The following GABRB2 variants were observed in gnomAD, a reference collection of about 807,000 sequenced individuals.
GABRB2 encodes gamma-aminobutyric acid receptor subunit beta-2.
Under a neutral mutation model 54.7 loss-of-function variants are expected in GABRB2, and 16 were observed. The observed-to-expected ratio is 0.29, with a 90% confidence interval of 0.20 to 0.44. GABRB2 has a LOEUF of 0.44. GABRB2 is among the 20% of genes least tolerant of loss of function. The pLI is 1.00. For synonymous variants in GABRB2, 244 were observed against 233.8 expected (o/e 1.04, Z -0.40); for missense variants, 355 against 644.0 (o/e 0.55, Z 4.86).
chr5:161,415,505 A>G (rs1434488561), intron 4 of GABRB2, among the ~76,000 whole-genome samples: 1 of 152,236 alleles, frequency 6.6e-6, no homozygotes, highest in Non-Finnish European at 1.5e-5. Context: ...AAATGCAACA[A>G]GTAAGCCAGG....
chr5:161,410,255 A>G (rs1756467368), intron 5 of GABRB2, among the ~76,000 whole-genome samples: 1 of 152,128 alleles, frequency 6.6e-6, no homozygotes, highest in Non-Finnish European at 1.5e-5. Context: ...GACCTCCAAA[A>G]TGGAGATGCG....
chr5:161,319,266 G>A (rs1758137735), intron 9 of GABRB2, among the ~76,000 whole-genome samples: 3 of 150,542 alleles, frequency 2.0e-5, no homozygotes, highest in Admixed American at 2.0e-4. Flanking sequence ...TAAACACAGA[G>A]ACCCAGGCAA....
At chr5:161,382,008 C>A (rs1378728685) in intron 5 of GABRB2, among the ~76,000 whole-genome samples, 1 of 152,176 alleles carries the variant, frequency 6.6e-6, no homozygotes, top group Non-Finnish European at 1.5e-5. Flanking sequence ...GCATCCTGTT[C>A]ATTTCCATTT....
At chr5:161,473,684 A>G (rs919329010) in intron 3 of GABRB2, among the ~76,000 whole-genome samples, 4 of 152,012 alleles carry the variant, frequency 2.6e-5, no homozygotes, top group African/African-American at 9.7e-5. Context: ...CCCAGATTGT[A>G]TGAATACATT....
chr5:161,312,863 C>T (rs1342057598), intron 9 of GABRB2, among the ~76,000 whole-genome samples: 1 of 149,970 alleles, frequency 6.7e-6, no homozygotes, highest in African/African-American at 2.5e-5. Context: ...TGTTATGGGG[C>T]AGTGGACGAT....
intron 5 of GABRB2, among the ~76,000 whole-genome samples, chr5:161,339,972 A>C (rs1422931102): frequency 6.6e-6 from 1 of 152,030 alleles, no homozygotes; most frequent in Non-Finnish European, 1.5e-5. Context: ...TTTTTTACAA[A>C]AAAATGCAGC....
At chr5:161,304,859 CTTA>C (rs1757637193) in intron 9 of GABRB2, among the ~76,000 whole-genome samples, 1 of 151,672 alleles carries the variant, frequency 6.6e-6, no homozygotes, top group Non-Finnish European at 1.5e-5. Flanking sequence ...CTGGGTGCCT[CTTA>C]TTATAAAGTA....
At chr5:161,466,802 A>G (rs932552495) in intron 3 of GABRB2, among the ~76,000 whole-genome samples, 2 of 151,944 alleles carry the variant, frequency 1.3e-5, no homozygotes, top group Non-Finnish European at 2.9e-5. Context: ...ATCTTCATTT[A>G]TATGGTTTCC....
intron 5 of GABRB2, among the ~76,000 whole-genome samples, chr5:161,353,867 G>A (rs912910903): frequency 6.6e-6 from 1 of 151,878 alleles, no homozygotes; most frequent in Non-Finnish European, 1.5e-5. Context: ...TATTTCTTTA[G>A]TCCCCAAGGA....
intron 9 of GABRB2, among the ~76,000 whole-genome samples, chr5:161,297,996 C>T (rs912430324): frequency 5.9e-5 from 9 of 152,282 alleles, no homozygotes; most frequent in African/African-American, 1.2e-4. Flanking sequence ...GAGATGGTAT[C>T]TCATTGTGGT....
rs142808687 is a variant in GABRB2, at chr5:161,536,814, T to G, written c.237+8413A>C. On this transcript the variant is annotated intron_variant, in intron 3 of 9. Coordinates refer to ENST00000393959, the MANE Select transcript of GABRB2 (RefSeq NM_001371727.1). ...GGTTTTGTAATGTTTGCCAGGCTGG[T>G]CTTGAACTCCTGACCTCAGGTGATT... Among the ~76,000 whole-genome samples, 728 of 152,204 alleles carry G rather than the reference T, an allele frequency of 4.8e-3. 6 individuals are homozygous for G. Among genetic ancestry groups the G allele is most frequent in the African/African-American group, 0.016 (669 of 41,530 alleles).
At chr5:161,318,280 T>C (rs1758103313) in intron 9 of GABRB2, among the ~76,000 whole-genome samples, 1 of 152,026 alleles carries the variant, frequency 6.6e-6, no homozygotes, top group Non-Finnish European at 1.5e-5. Flanking sequence ...CTGAATTTTC[T>C]GCCGTGTTTC....
chr5:161,381,269 A>G (rs1321257597), intron 5 of GABRB2, among the ~76,000 whole-genome samples: 5 of 152,210 alleles, frequency 3.3e-5, no homozygotes, highest in Non-Finnish European at 5.9e-5. Context: ...GTTAATGTGT[A>G]ACACACTGAG....
intron 9 of GABRB2, among the ~76,000 whole-genome samples, chr5:161,294,691 A>T (rs769075650): frequency 6.7e-4 from 102 of 152,334 alleles, no homozygotes; most frequent in Middle Eastern, 3.4e-3. Context: ...TGTTGCTAGT[A>T]TCATTTTCAT....
intron 5 of GABRB2, among the ~76,000 whole-genome samples, chr5:161,406,282 T>C (rs1756346394): frequency 6.6e-6 from 1 of 152,128 alleles, no homozygotes; most frequent in South Asian, 2.1e-4. Flanking sequence ...TAAATTAATT[T>C]GCATTTTATA....
At chr5:161,346,618 T>C (rs1754325267) in intron 5 of GABRB2, among the ~76,000 whole-genome samples, 1 of 152,110 alleles carries the variant, frequency 6.6e-6, no homozygotes, top group African/African-American at 2.4e-5. Flanking sequence ...AAGACTTGCT[T>C]ATTTAAGGGA....
At chr5:161,370,434 A>C (rs138285941) in intron 5 of GABRB2, among the ~76,000 whole-genome samples, 2 of 152,270 alleles carry the variant, frequency 1.3e-5, no homozygotes, top group East Asian at 3.9e-4. Flanking sequence ...GGGATGGCCT[A>C]TGTGGGAAGA....
At chr5:161,450,563 A>T (rs1757762226) in intron 4 of GABRB2, among the ~76,000 whole-genome samples, 1 of 152,118 alleles carries the variant, frequency 6.6e-6, no homozygotes, top group African/African-American at 2.4e-5. Context: ...CCAAGTAACT[A>T]AATAACTCCA....
At chr5:161,329,460 G>A (rs559593220) in intron 8 of GABRB2, 1 of 152,098 alleles carries the variant, frequency 6.6e-6, no homozygotes, top group African/African-American at 2.4e-5. Context: ...CTTAAAATTT[G>A]CATTGTTGCA....
Sources: gnomAD v4.1 joint callset for allele counts (sites outside exome capture counted in the v4.1 genomes callset) on GRCh38, gnomAD v4.1.1 for gene constraint, MANE v1.5 for transcripts, NCBI Gene and HGNC (gene_info 2026-07-23, HGNC 2026-07-21) for gene names.